The following CLNK variants were observed in gnomAD, a reference collection of about 807,000 sequenced individuals.
CLNK encodes cytokine-dependent hematopoietic cell linker.
Under a neutral mutation model 68.6 loss-of-function variants are expected in CLNK, and 74 were observed. The ratio of observed to expected loss-of-function variants is 1.08; its 90% CI spans 0.89 to 1.31. The LOEUF (loss-of-function observed/expected upper bound fraction) is 1.31, where lower values mean the gene tolerates loss of function less well. CLNK is among the 50% of genes most tolerant of loss of function. CLNK has a pLI of 0.00. For missense variants in CLNK, 553 were observed against 515.3 expected (o/e 1.07, Z -0.71); for synonymous variants, 198 against 172.2 (o/e 1.15, Z -1.17).
At chr4:10,712,096 G>A in the CLNK span, among the ~76,000 whole-genome samples, 2 of 152,252 alleles carry the variant, frequency 1.3e-5, no homozygotes, top group East Asian at 3.9e-4. Context: ...ATCAAAAGGG[G>A]CATCAGAGGA....
At chr4:10,530,801 G>A (rs1399004497) in intron 12 of CLNK, among the ~76,000 whole-genome samples, 1 of 152,152 alleles carries the variant, frequency 6.6e-6, no homozygotes, top group East Asian at 1.9e-4. Context: ...AGGCACCTTG[G>A]ATGTGTGGGT....
intron 2 of CLNK, among the ~76,000 whole-genome samples, chr4:10,666,865 G>A (rs1326327676): frequency 6.6e-6 from 1 of 152,162 alleles, no homozygotes; most frequent in East Asian, 1.9e-4. Context: ...CTGGACACCT[G>A]TGGGCATCCA....
chr4:10,518,020 T>C (rs1004841138), intron 15 of CLNK, among the ~76,000 whole-genome samples: 1 of 140,128 alleles, frequency 7.1e-6, no homozygotes, highest in Non-Finnish European at 1.6e-5. Context: ...TTTTTTTTTT[T>C]CTGAAAGAAA....
intron 2 of CLNK, among the ~76,000 whole-genome samples, chr4:10,608,777 C>G (rs2108852327): frequency 6.6e-6 from 1 of 152,282 alleles, no homozygotes; most frequent in South Asian, 2.1e-4. Context: ...TAACAAATTA[C>G]CATAGGCTGG....
chr4:10,557,863 G>A (rs1719736608), intron 8 of CLNK, among the ~76,000 whole-genome samples: 1 of 152,154 alleles, frequency 6.6e-6, no homozygotes, highest in South Asian at 2.1e-4. Flanking sequence ...AGGAGATAGG[G>A]GCACGGGGGA....
intron 18 of CLNK, among the ~76,000 whole-genome samples, chr4:10,500,127 A>G (rs959398069): frequency 1.3e-5 from 2 of 152,196 alleles, no homozygotes; most frequent in African/African-American, 2.4e-5. Flanking sequence ...GAACATTTAC[A>G]TTTGAGGAAA....
chr4:10,552,169 T>C (rs79781394), intron 8 of CLNK, among the ~76,000 whole-genome samples: 223 of 152,248 alleles, frequency 1.5e-3, no homozygotes, highest in Non-Finnish European at 2.2e-3. Context: ...AATTATAATA[T>C]TAATAGTAAG....
the CLNK span, among the ~76,000 whole-genome samples, chr4:10,692,267 TG>T: frequency 6.6e-6 from 1 of 152,236 alleles, no homozygotes; most frequent in Non-Finnish European, 1.5e-5. Flanking sequence ...AAGTCGTGCC[TG>T]GATCCTACAG....
chr4:10,661,537 T>G (rs1025309265), intron 2 of CLNK, among the ~76,000 whole-genome samples: 5 of 152,216 alleles, frequency 3.3e-5, no homozygotes, highest in African/African-American at 1.2e-4. Flanking sequence ...CAATATGGAA[T>G]GCTGTTTTAG....
At chr4:10,616,685 T>C (rs748468797) in intron 2 of CLNK, among the ~76,000 whole-genome samples, 7 of 151,942 alleles carry the variant, frequency 4.6e-5, no homozygotes, top group Admixed American at 1.3e-4. Context: ...GAATTTATAA[T>C]GAAGAGTACT....
At chr4:10,570,412 A>G (rs1309960425) in intron 5 of CLNK, among the ~76,000 whole-genome samples, 1 of 152,198 alleles carries the variant, frequency 6.6e-6, no homozygotes, top group Non-Finnish European at 1.5e-5. Flanking sequence ...AGAGGAAGAG[A>G]GAGAAAGAGA....
chr4:10,551,670 T>C (rs774247350), intron 8 of CLNK, among the ~76,000 whole-genome samples: 1 of 152,202 alleles, frequency 6.6e-6, no homozygotes, highest in Non-Finnish European at 1.5e-5. Context: ...AAGTATAATG[T>C]TCTGTTCAGA....
At position 10,513,565 on chromosome 4, in the gene CLNK, G is replaced by C; in HGVS notation, c.805C>G (p.Gln269Glu). The change falls in exon 16 of 19, where the codon CAG (glutamine) becomes GAG (glutamate). Residue 269 changes from glutamine to glutamate, a missense_variant. Transcript: ENST00000226951. ...HRGGMQPCSP[Q>E]RCQPPASCSP... Reference sequence around the variant, plus strand: ...CAGCTGGCTGGAGGCTGGCATCTCTGAGGAGAACAGGGCTGCATGCCTCCT... The same window carrying C: ...CAGCTGGCTGGAGGCTGGCATCTCTCAGGAGAACAGGGCTGCATGCCTCCT... The C allele has an allele frequency of 6.2e-7, 1 of 1,607,100 alleles. No homozygotes were observed. The highest frequency in any genetic ancestry group is 8.5e-7 in the Non-Finnish European group (1 of 1,176,568).
intron 2 of CLNK, among the ~76,000 whole-genome samples, chr4:10,643,312 T>C (rs1723380752): frequency 6.6e-6 from 1 of 152,214 alleles, no homozygotes; most frequent in South Asian, 2.1e-4. Context: ...AATAATCAAT[T>C]AACAGAATGT....
intron 4 of CLNK, among the ~76,000 whole-genome samples, chr4:10,581,297 A>G (rs1014079917): frequency 1.3e-5 from 2 of 152,192 alleles, no homozygotes; most frequent in African/African-American, 4.8e-5. Context: ...AGTATGTGAC[A>G]CATGACTGTG....
At chr4:10,665,097 G>A (rs1434932275) in intron 2 of CLNK, among the ~76,000 whole-genome samples, 1 of 152,226 alleles carries the variant, frequency 6.6e-6, no homozygotes, top group Non-Finnish European at 1.5e-5. Flanking sequence ...AGATAGTCAA[G>A]TGTGAAGGCT....
intron 2 of CLNK, among the ~76,000 whole-genome samples, chr4:10,648,071 C>T (rs371310027): frequency 1.3e-5 from 2 of 152,150 alleles, no homozygotes; most frequent in Non-Finnish European, 2.9e-5. Flanking sequence ...AATCATGCCT[C>T]GTATTTCACT....
chr4:10,540,389 A>T lies in CLNK; in HGVS notation c.602+105T>A. ...GAATGGACCAATACACTCCCCACCCATTAGGGAGCCTGCTCTGAAAGGTAC... is the reference window on the plus strand; with the variant it reads ...GAATGGACCAATACACTCCCCACCCTTTAGGGAGCCTGCTCTGAAAGGTAC... On this transcript the variant is annotated intron_variant, in intron 11 of 18. Coordinates refer to ENST00000226951, the MANE Select transcript of CLNK (RefSeq NM_052964.4). 4 of 797,156 alleles carry T rather than the reference A, an allele frequency of 5.0e-6. No homozygotes were observed. The Admixed American group carries it at 6.0e-5, about 12-fold the overall frequency. The allele number at this position is 797,156 out of a possible 1,614,324, so 49.4% of individuals were successfully genotyped here. A position where few individuals can be genotyped will look rare whatever the true frequency, so the allele number is the denominator to read the frequency against.
chr4:10,678,270 T>C (rs1300295792), intron 1 of CLNK, among the ~76,000 whole-genome samples: 2 of 152,182 alleles, frequency 1.3e-5, no homozygotes, highest in Non-Finnish European at 2.9e-5. Flanking sequence ...TGCTCATCCT[T>C]CTTTGCTCAT....
Sources: allele counts gnomAD v4.1 joint callset (sites outside exome capture counted in the v4.1 genomes callset), GRCh38; gene constraint gnomAD v4.1.1; transcripts MANE v1.5; gene names NCBI Gene and HGNC (gene_info 2026-07-23, HGNC 2026-07-21).